The following PTPRN2 variants were observed in gnomAD, a reference collection of about 807,000 sequenced individuals.
The protein encoded by PTPRN2 is receptor-type tyrosine-protein phosphatase N2.
Under a neutral mutation model 118.8 loss-of-function variants are expected in PTPRN2, and 74 were observed. The ratio of observed to expected loss-of-function variants is 0.62; its 90% CI spans 0.52 to 0.76. PTPRN2 has a LOEUF of 0.76. Ranked by LOEUF, PTPRN2 falls within the 30% of genes least tolerant of loss-of-function variation. The pLI, the probability that PTPRN2 is intolerant of heterozygous loss-of-function variation, is 0.00. For synonymous variants in PTPRN2, 641 were observed against 608.0 expected, an observed-to-expected ratio of 1.05 and a Z score of -0.80; for missense variants, 1,481 against 1,394.4, an observed-to-expected ratio of 1.06 and a Z score of -0.99.
intron 5 of PTPRN2, among the ~76,000 whole-genome samples, chr7:158,182,836 G>A (rs998795116): frequency 1.3e-5 from 2 of 152,184 alleles, no homozygotes; most frequent in Non-Finnish European, 2.9e-5. Flanking sequence ...TAAGTCCATT[G>A]TTTCCTTGTT....
At chr7:157,633,485 A>G (rs971058595) in intron 14 of PTPRN2, among the ~76,000 whole-genome samples, 1 of 152,234 alleles carries the variant, frequency 6.6e-6, no homozygotes, top group African/African-American at 2.4e-5. Flanking sequence ...CTGCAAGTAG[A>G]TAAACACAGC....
At chr7:157,701,701 A>G (rs9987035) in intron 12 of PTPRN2, among the ~76,000 whole-genome samples, 24,077 of 152,188 alleles carry the variant, frequency 0.16, 2,845 homozygotes, top group East Asian at 0.45. Flanking sequence ...TAGGTATGAA[A>G]GCTTCTCACT....
chr7:157,552,731 C>T (rs536320390), intron 21 of PTPRN2, among the ~76,000 whole-genome samples: 44 of 152,288 alleles, frequency 2.9e-4, no homozygotes, highest in African/African-American at 9.4e-4. Flanking sequence ...CTGGGGTTGC[C>T]GACAGACGTC....
Position 158,525,309 on chromosome 7 carries a change from T to C in PTPRN2, c.113-35524A>G, listed in dbSNP as rs1206599051. On this transcript the variant is annotated intron_variant, in intron 1 of 22. Coordinates refer to ENST00000389418, the MANE Select transcript of PTPRN2 (RefSeq NM_002847.5). This position sits in a 1 kb window ranked among gnomAD's most constrained non-coding sequence, Gnocchi z 4.1. The stretch of plus-strand genomic sequence containing the variant: ...AAGGAGAACACACGGCCCCCTAATG[T>C]GCAACAAAACCGTGAGACCCGAGCA... Among the ~76,000 whole-genome samples the C allele has an allele frequency of 1.3e-5, 2 of 152,098 alleles. No individual in the cohort carries two copies. Among genetic ancestry groups the C allele is most frequent in the Non-Finnish European group, 2.9e-5 (2 of 68,014 alleles).
chr7:158,011,118 T>C (rs757328509), intron 11 of PTPRN2, among the ~76,000 whole-genome samples: 3 of 152,124 alleles, frequency 2.0e-5, no homozygotes, highest in Non-Finnish European at 2.9e-5. Flanking sequence ...GATGACAGAG[T>C]GGTCTCTGCT....
chr7:158,527,219 C>G (rs1225253396), intron 1 of PTPRN2, among the ~76,000 whole-genome samples: 2 of 151,214 alleles, frequency 1.3e-5, no homozygotes, highest in African/African-American at 2.5e-5. Context: ...CACCTCCCCC[C>G]ACCCCACACC....
At chr7:158,017,833 C>G (rs1225548749) in intron 11 of PTPRN2, among the ~76,000 whole-genome samples, 5 of 152,198 alleles carry the variant, frequency 3.3e-5, no homozygotes. Flanking sequence ...GCACAAGGAG[C>G]TTCCGAGACA....
At chr7:158,055,303 T>G (rs1809699974) in intron 11 of PTPRN2, among the ~76,000 whole-genome samples, 1 of 152,194 alleles carries the variant, frequency 6.6e-6, no homozygotes, top group Admixed American at 6.5e-5. Context: ...GAGGGCTCCT[T>G]GGTCTAGCGG....
At chr7:158,083,022 C>T (rs1251579976) in intron 10 of PTPRN2, among the ~76,000 whole-genome samples, 1 of 152,212 alleles carries the variant, frequency 6.6e-6, no homozygotes, top group Non-Finnish European at 1.5e-5. Context: ...GTTCCACTCG[C>T]TCATGAGTGC....
intron 12 of PTPRN2, among the ~76,000 whole-genome samples, chr7:157,751,075 C>A (rs768584200): frequency 2.6e-5 from 4 of 152,192 alleles, no homozygotes; most frequent in Non-Finnish European, 5.9e-5. Context: ...CAGATCCTGG[C>A]GGGGAGCTGC....
chr7:157,605,796 A>AG (rs1486462156), intron 15 of PTPRN2, among the ~76,000 whole-genome samples: 1 of 152,104 alleles, frequency 6.6e-6, no homozygotes, highest in Non-Finnish European at 1.5e-5. Flanking sequence ...TGGGCCTCAG[A>AG]GGGGAGGAAG....
At chr7:158,276,680 C>A (rs1408710303) in intron 3 of PTPRN2, among the ~76,000 whole-genome samples, 1 of 152,222 alleles carries the variant, frequency 6.6e-6, no homozygotes, top group Non-Finnish European at 1.5e-5. Flanking sequence ...CGTTTCCAGG[C>A]CCACACAGCA....
At chr7:157,996,909 C>T (rs1247246279) in intron 11 of PTPRN2, among the ~76,000 whole-genome samples, 8 of 152,192 alleles carry the variant, frequency 5.3e-5, no homozygotes, top group Non-Finnish European at 4.4e-5. Context: ...CTGACACATC[C>T]TAGGCCCGGG....
intron 21 of PTPRN2, among the ~76,000 whole-genome samples, chr7:157,556,289 C>G (rs1218684062): frequency 1.4e-5 from 2 of 139,350 alleles, no homozygotes; most frequent in South Asian, 5.6e-4. Flanking sequence ...TGCACACACA[C>G]AGAGGCATGC....
chr7:158,391,138 T>A (rs771767079), intron 2 of PTPRN2, among the ~76,000 whole-genome samples: 3 of 152,172 alleles, frequency 2.0e-5, no homozygotes, highest in Non-Finnish European at 4.4e-5. Flanking sequence ...CAGGAACAAA[T>A]ACTTCTTATT....
chr7:158,353,366 G>A (rs930012882), intron 2 of PTPRN2, among the ~76,000 whole-genome samples: 1 of 152,230 alleles, frequency 6.6e-6, no homozygotes, highest in African/African-American at 2.4e-5. Context: ...ACTATGAGTG[G>A]ACATTCACTT....
chr7:158,269,759 G>C (rs541578572), intron 3 of PTPRN2, among the ~76,000 whole-genome samples: 7 of 151,800 alleles, frequency 4.6e-5, no homozygotes, highest in African/African-American at 1.7e-4. Flanking sequence ...GAGAGACAGA[G>C]ACAGAGGAAC....
intron 3 of PTPRN2, among the ~76,000 whole-genome samples, chr7:158,311,224 C>T (rs1254315310): frequency 6.6e-6 from 1 of 152,210 alleles, no homozygotes; most frequent in Admixed American, 6.5e-5. Context: ...CCTTGGATTT[C>T]TGTGTTCCAG....
chr7:157,948,950 T>C (rs1301244591), intron 11 of PTPRN2, among the ~76,000 whole-genome samples: 2 of 152,204 alleles, frequency 1.3e-5, no homozygotes, highest in East Asian at 3.8e-4. Context: ...TCAAAACCCA[T>C]GTATACGGAG....
Sources: allele counts gnomAD v4.1 joint callset (sites outside exome capture counted in the v4.1 genomes callset), GRCh38; gene constraint gnomAD v4.1.1; non-coding constraint Gnocchi (gnomAD v3.1); transcripts MANE v1.5; gene names NCBI Gene and HGNC (gene_info 2026-07-23, HGNC 2026-07-21).